RGL1: variants seen among roughly 807,000 people sequenced by gnomAD.
RGL1 encodes the protein ral guanine nucleotide dissociation stimulator-like 1.
RGL1 carries 24 observed loss-of-function variants against 95.2 expected under a neutral mutation model. The ratio of observed to expected loss-of-function variants is 0.25; its 90% CI spans 0.18 to 0.35. The LOEUF is 0.35. RGL1 is among the 10% of genes least tolerant of loss of function. The pLI, the probability that RGL1 is intolerant of heterozygous loss-of-function variation, is 1.00. For missense variants in RGL1, 715 were observed against 936.3 expected, an observed-to-expected ratio of 0.76 and a Z score of 3.08; for synonymous variants, 329 against 344.9, an observed-to-expected ratio of 0.95 and a Z score of 0.51.
In RGL1 at chr1:183,805,129, G is replaced by A. The variant is rs1661195418; in HGVS notation, c.-169G>A. ...TCGCCGCGCTCCCTTTGTGGCCCGA[G>A]TCGCGCGCACCGGCGGCGGCGGGGG... On this transcript the variant is annotated 5_prime_UTR_variant, in exon 1 of 18. Transcript: ENST00000360851. 1.2e-6 allele frequency: 1 copy of A among 839,338 alleles called. No homozygotes were observed. The highest frequency in any genetic ancestry group is 4.5e-5 in the Admixed American group (1 of 22,326). 52.0% of individuals were successfully genotyped at this position (839,338 alleles called of 1,614,324 possible). A position where few individuals can be genotyped will look rare whatever the true frequency, so the allele number is the denominator to read the frequency against.
chr1:183,750,137 A>G (rs1381924748), intron 2 of RGL1, among the ~76,000 whole-genome samples: 1 of 152,170 alleles, frequency 6.6e-6, no homozygotes, highest in Non-Finnish European at 1.5e-5. Flanking sequence ...TCTCCTGGAT[A>G]ATATCCTGAA....
intron 2 of RGL1, among the ~76,000 whole-genome samples, chr1:183,837,675 A>G (rs1663764836): frequency 6.6e-6 from 1 of 152,224 alleles, no homozygotes; most frequent in South Asian, 2.1e-4. Context: ...AATTGGCTCC[A>G]AATGGAAATG....
At chr1:183,861,465 T>C (rs1665505107) in intron 3 of RGL1, among the ~76,000 whole-genome samples, 2 of 152,260 alleles carry the variant, frequency 1.3e-5, no homozygotes, top group Non-Finnish European at 2.9e-5. Context: ...TCTCTGGAAA[T>C]AACTGTTTCT....
intron 1 of RGL1, among the ~76,000 whole-genome samples, chr1:183,644,006 C>G (rs1240012715): frequency 6.6e-6 from 1 of 152,084 alleles, no homozygotes; most frequent in Non-Finnish European, 1.5e-5. Flanking sequence ...GATCTAGAAC[C>G]TACTAAAGTT....
At chr1:183,834,987 C>A (rs895106467) in intron 2 of RGL1, among the ~76,000 whole-genome samples, 1 of 152,148 alleles carries the variant, frequency 6.6e-6, no homozygotes, top group African/African-American at 2.4e-5. Context: ...CTGGCCAAAG[C>A]ACTTTTAATA....
upstream of RGL1, among the ~76,000 whole-genome samples, chr1:183,804,917 C>A (rs888913526): frequency 6.6e-6 from 1 of 152,228 alleles, no homozygotes; most frequent in African/African-American, 2.4e-5. Context: ...CACCTGGTGA[C>A]CGTCAGGAAA....
intron 1 of RGL1, among the ~76,000 whole-genome samples, chr1:183,641,215 G>A (rs1649901314): frequency 6.6e-6 from 1 of 152,068 alleles, no homozygotes; most frequent in Admixed American, 6.6e-5. Flanking sequence ...GCTTACTGCA[G>A]CCTCGACCTC....
chr1:183,897,996 C>G (rs1667800353), intron 10 of RGL1, 99 bp downstream of exon 10: 1 of 930,026 alleles, frequency 1.1e-6, no homozygotes, highest in African/African-American at 1.7e-5. Context: ...CAACAGGGCA[C>G]CCAGGCTTTC....
chr1:183,862,918 A>G (rs1665600071), intron 3 of RGL1, among the ~76,000 whole-genome samples: 1 of 152,258 alleles, frequency 6.6e-6, no homozygotes, highest in Admixed American at 6.5e-5. Context: ...AGTATATCAG[A>G]AGGTATTAAA....
intron 3 of RGL1, among the ~76,000 whole-genome samples, chr1:183,848,411 A>G (rs1664592850): frequency 6.6e-6 from 1 of 152,158 alleles, no homozygotes; most frequent in South Asian, 2.1e-4. Context: ...CTTTTAGAAA[A>G]TATCATTAAA....
intron 2 of RGL1, among the ~76,000 whole-genome samples, chr1:183,777,132 GGTTT>G (rs1463589229): frequency 6.6e-6 from 1 of 152,148 alleles, no homozygotes; most frequent in Non-Finnish European, 1.5e-5. Context: ...TATTAGCAGT[GGTTT>G]GTTTAATTTC....
intron 2 of RGL1, among the ~76,000 whole-genome samples, chr1:183,750,634 G>T (rs1657931368): frequency 6.6e-6 from 1 of 152,204 alleles, no homozygotes; most frequent in Admixed American, 6.5e-5. Flanking sequence ...TGGAGGAGAA[G>T]AGGCATTCTG....
At chr1:183,833,518 A>T (rs2500114) in intron 2 of RGL1, among the ~76,000 whole-genome samples, 121,654 of 152,152 alleles carry the variant, frequency 0.8, 48,788 homozygotes, top group Middle Eastern at 0.88. Flanking sequence ...CTCCAGGTGA[A>T]TCTCTTGAAA....
chr1:183,849,940 TGC>T (rs1664728142), intron 3 of RGL1, among the ~76,000 whole-genome samples: 1 of 152,196 alleles, frequency 6.6e-6, no homozygotes, highest in Non-Finnish European at 1.5e-5. Context: ...GAAAGATAAC[TGC>T]CAGATTGCAC....
intron 1 of RGL1, among the ~76,000 whole-genome samples, chr1:183,654,287 A>G (rs79753938): frequency 0.069 from 10,450 of 152,170 alleles, 625 homozygotes; most frequent in African/African-American, 0.16. Flanking sequence ...TTGCTCTGGC[A>G]CATGGTCACT....
chr1:183,748,163 G>A (rs191551869), intron 2 of RGL1, among the ~76,000 whole-genome samples: 36 of 152,200 alleles, frequency 2.4e-4, no homozygotes, highest in African/African-American at 8.7e-4. Flanking sequence ...TGTGGGATCA[G>A]TGGTGATATC....
chr1:183,664,392 C>T (rs1156533025), intron 1 of RGL1, among the ~76,000 whole-genome samples: 3 of 151,930 alleles, frequency 2.0e-5, no homozygotes, highest in Non-Finnish European at 2.9e-5. Context: ...TTACTGAGTA[C>T]GTGCTCTGTG....
intron 2 of RGL1, among the ~76,000 whole-genome samples, chr1:183,841,858 A>C (rs1162411985): frequency 6.6e-6 from 1 of 152,112 alleles, no homozygotes; most frequent in Non-Finnish European, 1.5e-5. Context: ...CCGAAATTCA[A>C]AGTGCTCCAA....
Position 183,873,115 on chromosome 1 carries a change from A to G in RGL1, c.425+7042A>G, listed in dbSNP as rs1054055372. ...CCTGAGCAGAAACTGATGTTCTAATAGTTGAGGAAGAATAAAACAACATTG... is the reference window on the plus strand; with the variant it reads ...CCTGAGCAGAAACTGATGTTCTAATGGTTGAGGAAGAATAAAACAACATTG... On this transcript the variant is annotated intron_variant, in intron 4 of 17. Coordinates refer to ENST00000360851, the MANE Select transcript of RGL1 (RefSeq NM_001297671.3). Among the ~76,000 whole-genome samples, 7 of 152,216 alleles carry G rather than the reference A, an allele frequency of 4.6e-5. No homozygotes were observed. The South Asian group carries it at 8.3e-4, about 18-fold the overall frequency.
Sources: gnomAD v4.1 joint callset for allele counts (sites outside exome capture counted in the v4.1 genomes callset) on GRCh38, gnomAD v4.1.1 for gene constraint, MANE v1.5 for transcripts, NCBI Gene and HGNC (gene_info 2026-07-23, HGNC 2026-07-21) for gene names.